Variants in PKD1 observed in about 807,000 individuals in gnomAD.
PKD1 encodes the protein polycystin 1, transient receptor potential channel interacting, also known as polycystin-1.
Under a neutral mutation model 361.7 loss-of-function variants are expected in PKD1, and 81 were observed. The ratio of observed to expected loss-of-function variants is 0.22; its 90% CI spans 0.19 to 0.27. PKD1 has a LOEUF of 0.27. Among genes scored for constraint, PKD1 ranks in the 10% least tolerant of loss-of-function variants. The pLI, the probability that PKD1 is intolerant of heterozygous loss-of-function variation, is 1.00. For missense variants in PKD1, 6,399 were observed against 6,118.3 expected (o/e 1.05, Z -1.53); for synonymous variants, 3,615 against 2,818.3 (o/e 1.28, Z -8.95).
Position 2,091,937 on chromosome 16 carries a change from C to A in PKD1, c.11412-31G>T, listed in dbSNP as rs772916096. On this transcript the variant is annotated intron_variant, in intron 40 of 45. Coordinates refer to ENST00000262304, the MANE Select transcript of PKD1 (RefSeq NM_001009944.3). ...GGAGAGGGGTGGCGTGGGTGCCGCA[C>A]CCCAGCCCTTCCGGCACCCCGGAGC... is the stretch of plus-strand genomic sequence containing the variant. 1.1e-5 allele frequency: 17 copies of A among 1,611,620 alleles called. No homozygotes were observed. In the South Asian group the frequency reaches 1.8e-4, roughly 17 times the overall value.
In PKD1 at chr16:2,118,452, A is replaced by G. The variant is rs775059725; in HGVS notation, c.540T>C (p.Tyr180=). The G allele has an allele frequency of 7.4e-6, 9 of 1,212,332 alleles. No homozygotes were observed. Among genetic ancestry groups the G allele is most frequent in the Non-Finnish European group, 1.1e-5 (9 of 851,486 alleles). 75.1% of individuals were successfully genotyped at this position (1,212,332 alleles called of 1,614,324 possible). A position where few individuals can be genotyped will look rare whatever the true frequency, so the allele number is the denominator to read the frequency against. The part of the protein sequence containing the change: ...PLLDSGCGEE[Y]VACLPDNSSG... The stretch of plus-strand genomic sequence containing the variant: ...AGCTGTTGTCAGGGAGGCAGGCGAC[A>G]TACTCCTCACCTAGAAGAGGCAGCC... Residue 180 remains tyrosine (Y), a synonymous_variant, in exon 5 of 46, where the codon TAT becomes TAC. Transcript: ENST00000262304. The surrounding 1 kb of genome is among the most constrained non-coding windows in gnomAD (Gnocchi z 6.0).
rs750206486 is a variant in PKD1, at chr16:2,103,267, G to A, written c.8790C>T (p.Asp2930=). ...GTGTGCCCCACCCGCTGCACGCACCGTCCAGCAGCGTATAGTTGAGCTGCA... is the reference window on the plus strand; with the variant it reads ...GTGTGCCCCACCCGCTGCACGCACCATCCAGCAGCGTATAGTTGAGCTGCA... ...LHLQLNYTLL[D]GHYLSEEPEP... is the part of the protein sequence containing the mutation. The change falls in exon 23 of 46, where the codon GAC becomes GAT. Residue 2930 remains aspartate, a splice_region_variant and synonymous_variant. Coordinates refer to ENST00000262304, the MANE Select transcript of PKD1 (RefSeq NM_001009944.3). The A allele has an allele frequency of 1.6e-5, 26 of 1,609,472 alleles. No homozygotes were observed. Among genetic ancestry groups the A allele is most frequent in the South Asian group, 3.3e-5 (3 of 90,958 alleles).
chr16:2,092,239 C>A (rs2091625937), intron 39 of PKD1, 51 bp from the exon 40 acceptor site: 4 of 1,538,472 alleles, frequency 2.6e-6, no homozygotes, highest in Non-Finnish European at 3.5e-6. Context: ...CAAAACCCAA[C>A]AGGAGTGTTT....
At position 2,118,229 on chromosome 16, in the gene PKD1, G is replaced by C; in HGVS notation, c.763C>G (p.Pro255Ala). Reference protein sequence around the residue: ...LSLCSGPPPPPAPTCRGPTLL... With the variant: ...LSLCSGPPPPAAPTCRGPTLL... Reference sequence around the variant, plus strand: ...GTGGGGCCCCTACAGGTGGGGGCAGGAGGTGGCGGGGGGCCGGAGCAGAGG... The same window carrying C: ...GTGGGGCCCCTACAGGTGGGGGCAGCAGGTGGCGGGGGGCCGGAGCAGAGG... The change falls in exon 5 of 46, where the codon CCT (proline) becomes GCT (alanine). Residue 255 changes from proline (P) to alanine (A), a missense_variant. By Grantham distance (27) the Pro-to-Ala change is conservative (BLOSUM62 -1). Coordinates refer to ENST00000262304, the MANE Select transcript of PKD1 (RefSeq NM_001009944.3). The surrounding 1 kb of genome is among the most constrained non-coding windows in gnomAD (Gnocchi z 6.0). 1 of 1,531,364 alleles carries C rather than the reference G, an allele frequency of 6.5e-7. No homozygotes were observed. Among genetic ancestry groups the C allele is most frequent in the Non-Finnish European group, 8.8e-7 (1 of 1,141,462 alleles). The allele number at this position is 1,531,364 out of a possible 1,614,324, so 94.9% of individuals were successfully genotyped here. A position where few individuals can be genotyped will look rare whatever the true frequency, so the allele number is the denominator to read the frequency against.
chr16:2,129,595 G>C (rs1226415123), intron 1 of PKD1, among the ~76,000 whole-genome samples: 1 of 134,590 alleles, frequency 7.4e-6, no homozygotes, highest in Non-Finnish European at 1.5e-5. Flanking sequence ...CTGTGACCCA[G>C]CCTGGAGTGC....
At chr16:2,104,181 AAAGGGAGGGGAAGGGGGAT>A (rs764621803) in intron 22 of PKD1, among the ~76,000 whole-genome samples, 119 of 13,884 alleles carry the variant, frequency 8.6e-3, no homozygotes, top group South Asian at 0.027. Context: ...GAGCAGGGGG[AAAGGGAGGGGAAGGGGGAT>A]AAGGGAGGGG....
chr16:2,106,695 G>C lies in PKD1; in HGVS notation c.7210-18C>G, dbSNP rs751438298. ...GCCCACCGCTGCAGGCAGAAGGGGT[G>C]GTGAGGGGGCGCAACCCTCTGCCCT... On this transcript the variant is annotated intron_variant, in intron 17 of 45. Coordinates refer to ENST00000262304, the MANE Select transcript of PKD1 (RefSeq NM_001009944.3). This position sits in a 1 kb window ranked among gnomAD's most constrained non-coding sequence, Gnocchi z 6.5. 1.3e-5 allele frequency: 21 copies of C among 1,588,484 alleles called. 1 individual carries two copies. In the African/African-American group the frequency reaches 2.5e-4, roughly 19 times the overall value.
At chr16:2,132,384 A>G in intron 1 of PKD1, among the ~76,000 whole-genome samples, 2 of 151,804 alleles carry the variant, frequency 1.3e-5, no homozygotes, top group East Asian at 1.9e-4. Context: ...CCTGGCCAAC[A>G]CAGTAAAACC....
At chr16:2,093,261 G>A (rs1041163217) in intron 37 of PKD1, 168 bp from the exon 38 acceptor site, 2 of 802,884 alleles carry the variant, frequency 2.5e-6, no homozygotes, top group African/African-American at 1.7e-5. Context: ...CACACACCCT[G>A]CCCGGAACCC....
chr16:2,113,509 T>C (rs990649414), intron 11 of PKD1, among the ~76,000 whole-genome samples: 2 of 152,186 alleles, frequency 1.3e-5, no homozygotes, highest in African/African-American at 4.8e-5. Context: ...TGCCTCAACC[T>C]CTCTGTGCCT....
At chr16:2,102,663 C>A (rs2575322) in intron 24 of PKD1, 30 bp from the exon 25 acceptor site, 2 of 1,610,600 alleles carry the variant, frequency 1.2e-6, no homozygotes, top group African/African-American at 1.3e-5. Context: ...CGGACGTGAG[C>A]CCAGGCTCCG....
rs746491135 is a variant in PKD1 at position 2,094,218 on chromosome 16, A to G, written c.10500-8T>C. 3 of 1,530,026 alleles carry G rather than the reference A, an allele frequency of 2.0e-6. No individual in the cohort carries two copies. The highest frequency in any genetic ancestry group is 3.4e-5 in the Admixed American group (2 of 59,682). The allele number at this position is 1,530,026 out of a possible 1,614,324, so 94.8% of individuals were successfully genotyped here. A position where few individuals can be genotyped will look rare whatever the true frequency, so the allele number is the denominator to read the frequency against. Reference sequence around the variant, plus strand: ...TCCCCAGGAGTGCTGGACCTGAGGGACATGGTAGGCTGTGAATTCATCCCG... The same window carrying G: ...TCCCCAGGAGTGCTGGACCTGAGGGGCATGGTAGGCTGTGAATTCATCCCG... On this transcript the variant is annotated splice_region_variant and splice_polypyrimidine_tract_variant and intron_variant, in intron 34 of 45. Transcript: ENST00000262304.
chr16:2,116,924 G>C lies in PKD1; in HGVS notation c.1515C>G (p.Ala505=). The change falls in exon 7 of 46, where the codon GCC becomes GCG. Residue 505 remains alanine (A), a synonymous_variant. Coordinates refer to ENST00000262304, the MANE Select transcript of PKD1 (RefSeq NM_001009944.3). Reference sequence around the variant, plus strand: ...TGGGCCCGAGCCGGACGCAGTGCTCGGCTGTGGCTGGGTGTGGCTCCCCGG... The same window carrying C: ...TGGGCCCGAGCCGGACGCAGTGCTCCGCTGTGGCTGGGTGTGGCTCCCCGG... ...WLPGEPHPAT[A]EHCVRLGPTG... is the part of the protein sequence containing the mutation. The C allele has an allele frequency of 6.6e-7, 1 of 1,519,204 alleles. No individual in the cohort carries two copies. Among genetic ancestry groups the C allele is most frequent in the Non-Finnish European group, 8.9e-7 (1 of 1,129,434 alleles). The allele number at this position is 1,519,204 out of a possible 1,614,324, so 94.1% of individuals were successfully genotyped here. A position where few individuals can be genotyped will look rare whatever the true frequency, so the allele number is the denominator to read the frequency against.
chr16:2,111,349 G>A lies in PKD1; in HGVS notation c.3818C>T (p.Thr1273Ile), dbSNP rs933551615. ...VYLRAQNCTV[T>I]VGAASPAGHL... The stretch of plus-strand genomic sequence containing the variant: ...GCCGGCGGGGCTGGCCGCACCCACG[G>A]TCACTGTGCAGTTCTGTGCCCGCAG... Residue 1273 changes from threonine (T) to isoleucine (I), a missense_variant, in exon 15 of 46, where the codon ACC becomes ATC. Transcript: ENST00000262304. The A allele has an allele frequency of 2.5e-6, 4 of 1,609,982 alleles. No homozygotes were observed. Among genetic ancestry groups the A allele is most frequent in the Admixed American group, 1.7e-5 (1 of 59,940 alleles).
intron 40 of PKD1, 50 bp downstream of exon 40, chr16:2,091,997 A>C (rs768625783): frequency 1.1e-5 from 17 of 1,612,380 alleles, no homozygotes; most frequent in Admixed American, 1.7e-5. Flanking sequence ...CTCCTGGAGA[A>C]CTACTCCCTT....
Position 2,118,291 on chromosome 16 carries a change from G to A in PKD1, c.701C>T (p.Ala234Val), listed in dbSNP as rs755011173. Residue 234 changes from alanine to valine, a missense_variant, in exon 5 of 46, where the codon GCG (alanine) becomes GTG (valine). Transcript: ENST00000262304. This position sits in a 1 kb window ranked among gnomAD's most constrained non-coding sequence, Gnocchi z 6.0. ...AAAGGAGGCACTGGAGGGCTGGGCC[G>A]CCCCACACAGGCACCAGCCCTGCTC... ...LSEQGWCLCG[A>V]AQPSSASFAC... is the part of the protein sequence containing the mutation. 52 of 1,528,986 alleles carry A rather than the reference G, an allele frequency of 3.4e-5. No homozygotes were observed. The highest frequency in any genetic ancestry group is 1.2e-4 in the South Asian group (10 of 84,060). 94.7% of individuals were successfully genotyped at this position (1,528,986 alleles called of 1,614,324 possible).
chr16:2,110,287 T>C lies in PKD1; in HGVS notation c.4880A>G (p.Tyr1627Cys), dbSNP rs1793653574. ...CAGCCCCTCTATGAGCTGCAGGACA[T>C]AGACGAAGATGCTGTCCTGGGCGGA... ...VGSAQDSIFV[Y>C]VLQLIEGLQV... The change falls in exon 15 of 46, where the codon TAT becomes TGT. Residue 1627 changes from tyrosine (Y) to cysteine (C), a missense_variant. By Grantham distance (194) the Tyr-to-Cys change is radical (BLOSUM62 -2). Transcript: ENST00000262304. 9 of 1,612,480 alleles carry C rather than the reference T, an allele frequency of 5.6e-6. No individual in the cohort carries two copies. The highest frequency in any genetic ancestry group is 7.6e-6 in the Non-Finnish European group (9 of 1,179,842).
rs142493958 is a variant in PKD1, at chr16:2,090,534, C to T, written c.12195G>A (p.Leu4065=). ...LWSVAQALLV[L]CPGTGLSTLC... ...GGGTAGAGAGCCCAGTCCCAGGGCA[C>T]AGCACCAACAGGGCCTGGGCCACGC... Residue 4065 remains leucine (L), a synonymous_variant, in exon 45 of 46, where the codon CTG becomes CTA. Transcript: ENST00000262304. 77 of 1,610,104 alleles carry T rather than the reference C, an allele frequency of 4.8e-5. No homozygotes were observed. In the African/African-American group the frequency reaches 6.0e-4, roughly 13 times the overall value.
In PKD1 at chr16:2,110,473, C is replaced by A; in HGVS notation, c.4694G>T (p.Ser1565Ile). The A allele has an allele frequency of 6.2e-7, 1 of 1,612,502 alleles. No homozygotes were observed. The highest frequency in any genetic ancestry group is 8.5e-7 in the Non-Finnish European group (1 of 1,179,850). ...ASRTVVPLNG[S>I]VSFSTSLEAG... ...CTCCAGCGACGTGCTGAAGCTCACG[C>A]TCCCATTCAGGGGCACCACCGTGCG... The change falls in exon 15 of 46, where the codon AGC becomes ATC. Residue 1565 changes from serine (S) to isoleucine (I), a missense_variant. Physicochemically the swap from Ser to Ile is moderately radical, Grantham distance 142 (BLOSUM62 -2). Coordinates refer to ENST00000262304, the MANE Select transcript of PKD1 (RefSeq NM_001009944.3).
Sources: gnomAD v4.1 joint callset for allele counts (sites outside exome capture counted in the v4.1 genomes callset) on GRCh38, gnomAD v4.1.1 for gene constraint, Gnocchi (gnomAD v3.1) non-coding constraint, MANE v1.5 for transcripts, NCBI Gene and HGNC (gene_info 2026-07-23, HGNC 2026-07-21) for gene names.